Variants in CCDC3 observed in about 807,000 individuals in gnomAD.
CCDC3 encodes the protein coiled-coil domain containing 3.
A neutral mutation model predicts 21.4 loss-of-function variants in CCDC3; 24 were observed. The observed-to-expected ratio is 1.12, with a 90% CI of 0.81 to 1.58. The LOEUF (loss-of-function observed/expected upper bound fraction) is 1.58. CCDC3 is among the 40% of genes most tolerant of loss of function. The pLI is 0.00. For missense variants in CCDC3, 425 were observed against 360.9 expected (o/e 1.18, Z -1.44); for synonymous variants, 186 against 166.0 (o/e 1.12, Z -0.93).
At chr10:13,085,009 C>A (rs1837086004) in intron 3 of CCDC3, among the ~76,000 whole-genome samples, 1 of 152,206 alleles carries the variant, frequency 6.6e-6, no homozygotes, top group African/African-American at 2.4e-5. Flanking sequence ...TGGTTTCACA[C>A]TTGTTCAGAA....
At chr10:12,979,497 C>T (rs1835464899) in intron 2 of CCDC3, among the ~76,000 whole-genome samples, 1 of 151,962 alleles carries the variant, frequency 6.6e-6, no homozygotes, top group Non-Finnish European at 1.5e-5. Context: ...GGCTTCTCAG[C>T]CTCCAAAGTG....
intron 2 of CCDC3, among the ~76,000 whole-genome samples, chr10:12,912,416 G>A (rs765808908): frequency 6.6e-6 from 1 of 152,156 alleles, no homozygotes; most frequent in Non-Finnish European, 1.5e-5. Context: ...CCATTTGTAT[G>A]TCGTCTTTCT....
intron 2 of CCDC3, among the ~76,000 whole-genome samples, chr10:12,928,966 C>T (rs1047557485): frequency 1.3e-5 from 2 of 152,104 alleles, no homozygotes; most frequent in East Asian, 3.9e-4. Context: ...GATCACCAGA[C>T]TGAAGGATTA....
chr10:12,934,785 T>G (rs1374447115), intron 2 of CCDC3, among the ~76,000 whole-genome samples: 1 of 152,004 alleles, frequency 6.6e-6, no homozygotes, highest in Non-Finnish European at 1.5e-5. Flanking sequence ...AGTGTTGACA[T>G]GGTATGGCTT....
chr10:13,019,202 T>C (rs544708049), intron 5 of CCDC3, among the ~76,000 whole-genome samples: 4 of 152,152 alleles, frequency 2.6e-5, no homozygotes, highest in African/African-American at 7.2e-5. Flanking sequence ...CCACTGCACT[T>C]CAGCCTGGGT....
intron 5 of CCDC3, among the ~76,000 whole-genome samples, chr10:13,032,152 T>G (rs1258427961): frequency 6.9e-6 from 1 of 145,254 alleles, no homozygotes; most frequent in Non-Finnish European, 1.5e-5. Context: ...CACAATCAAA[T>G]TGGCTTCATC....
intron 2 of CCDC3, among the ~76,000 whole-genome samples, chr10:12,923,015 T>C (rs569179723): frequency 1.1e-4 from 16 of 152,128 alleles, no homozygotes; most frequent in East Asian, 1.9e-4. Flanking sequence ...CCTTGATGAA[T>C]TGGAACACAT....
chr10:13,040,066 T>G (rs988057023), intron 5 of CCDC3, among the ~76,000 whole-genome samples: 2 of 152,030 alleles, frequency 1.3e-5, no homozygotes, highest in African/African-American at 4.8e-5. Flanking sequence ...GGCAAGTGAT[T>G]CTCTGGCACT....
At chr10:12,917,653 C>CA (rs2131212528) in intron 2 of CCDC3, among the ~76,000 whole-genome samples, 1 of 152,304 alleles carries the variant, frequency 6.6e-6, no homozygotes, top group South Asian at 2.1e-4. Context: ...ATCTTGCTGA[C>CA]ATCCTATTTC....
intron 3 of CCDC3, among the ~76,000 whole-genome samples, chr10:13,093,883 T>C (rs1832603710): frequency 6.6e-6 from 1 of 152,198 alleles, no homozygotes; most frequent in South Asian, 2.1e-4. Flanking sequence ...CAGGCCATTT[T>C]TCACTCCTCA....
intron 2 of CCDC3, among the ~76,000 whole-genome samples, chr10:12,941,575 G>T (rs1277977536): frequency 6.6e-6 from 1 of 152,048 alleles, no homozygotes; most frequent in African/African-American, 2.4e-5. Flanking sequence ...TCTGGGAGAG[G>T]ATTCATCACC....
chr10:13,002,473 G>A (rs1229232653), upstream of CCDC3, among the ~76,000 whole-genome samples: 4 of 152,028 alleles, frequency 2.6e-5, no homozygotes, highest in African/African-American at 9.7e-5. Flanking sequence ...CTGCAGCCTC[G>A]ACCTCCCCTG....
intron 2 of CCDC3, among the ~76,000 whole-genome samples, chr10:12,952,099 T>G (rs1396726773): frequency 6.6e-6 from 1 of 152,164 alleles, no homozygotes; most frequent in Non-Finnish European, 1.5e-5. Flanking sequence ...CTAGAGAACA[T>G]AGCCAAACTG....
chr10:13,032,960 A>T (rs1316857396), intron 5 of CCDC3, among the ~76,000 whole-genome samples: 1 of 152,194 alleles, frequency 6.6e-6, no homozygotes, highest in Admixed American at 6.5e-5. Flanking sequence ...CAAGCTACCA[A>T]TGACTTTCTT....
intron 4 of CCDC3, among the ~76,000 whole-genome samples, chr10:13,071,159 C>A (rs1373484658): frequency 6.6e-6 from 1 of 152,142 alleles, no homozygotes; most frequent in Non-Finnish European, 1.5e-5. Context: ...CCCCATGCGT[C>A]CAAATCTTAG....
chr10:13,076,657 CT>C (rs368285493), intron 3 of CCDC3, among the ~76,000 whole-genome samples: 111 of 152,330 alleles, frequency 7.3e-4, no homozygotes, highest in Middle Eastern at 3.4e-3. Context: ...TGTCCTTGTA[CT>C]TTAACCAAGA....
At chr10:12,976,822 T>C (rs36109107) in intron 2 of CCDC3, among the ~76,000 whole-genome samples, 86,539 of 151,602 alleles carry the variant, frequency 0.57, 24,693 homozygotes, top group South Asian at 0.67. Context: ...GAATGTACAA[T>C]ACCAAGAGTG....
chr10:13,008,204 G>A (rs904326932), intron 5 of CCDC3, among the ~76,000 whole-genome samples: 4 of 152,164 alleles, frequency 2.6e-5, no homozygotes, highest in African/African-American at 9.7e-5. Flanking sequence ...GCCCAACATG[G>A]GTTTCAGAAG....
intron 5 of CCDC3, among the ~76,000 whole-genome samples, chr10:13,032,335 G>A (rs1047420422): frequency 3.0e-4 from 46 of 152,188 alleles, no homozygotes; most frequent in East Asian, 1.5e-3. Context: ...TTGATGGGAC[G>A]TATCTCAAAA....
Sources: gnomAD v4.1 joint callset for allele counts (sites outside exome capture counted in the v4.1 genomes callset) on GRCh38, gnomAD v4.1.1 for gene constraint, MANE v1.5 for transcripts, NCBI Gene and HGNC (gene_info 2026-07-23, HGNC 2026-07-21) for gene names.